CTNNA2: variants seen among roughly 807,000 people sequenced by gnomAD.
The protein encoded by CTNNA2 is catenin alpha 2, also known as catenin alpha-2.
In CTNNA2, 42 loss-of-function variants were observed where a neutral mutation model predicts 101.0. That is an observed-to-expected ratio of 0.42 (90% confidence interval 0.32 to 0.54). The LOEUF is 0.54. Among genes scored for constraint, CTNNA2 ranks in the 20% least tolerant of loss-of-function variants. The pLI, the probability that CTNNA2 is intolerant of heterozygous loss-of-function variation, is 0.14. For missense variants in CTNNA2, 871 were observed against 1,223.1 expected (o/e 0.71, Z 4.29); for synonymous variants, 450 against 456.4 (o/e 0.99, Z 0.18).
chr2:79,867,177 C>T (rs954521821), intron 4 of CTNNA2, among the ~76,000 whole-genome samples: 63 of 152,174 alleles, frequency 4.1e-4, no homozygotes, highest in African/African-American at 1.4e-3. Flanking sequence ...AGTCACTTTC[C>T]TTTCTCTAGC....
chr2:80,314,706 T>A (rs1385003782), intron 7 of CTNNA2, among the ~76,000 whole-genome samples: 1 of 152,204 alleles, frequency 6.6e-6, no homozygotes, highest in African/African-American at 2.4e-5. Context: ...TCTATGTCAA[T>A]GTCTAGCTGG....
At chr2:80,079,837 TAAAATAAAATA>T (rs1699013011) in intron 7 of CTNNA2, among the ~76,000 whole-genome samples, 1 of 75,666 alleles carries the variant, frequency 1.3e-5, no homozygotes, top group Non-Finnish European at 2.3e-5. Context: ...ATAAATAAAA[TAAAATAAAATA>T]AAATAAAATA....
intron 2 of CTNNA2, among the ~76,000 whole-genome samples, chr2:79,665,812 G>A (rs1236891678): frequency 6.6e-6 from 1 of 152,072 alleles, no homozygotes; most frequent in African/African-American, 2.4e-5. Context: ...TTTATTTTTA[G>A]AATCTCCTGG....
chr2:80,524,970 A>G (rs988361856), intron 9 of CTNNA2, among the ~76,000 whole-genome samples: 2 of 152,080 alleles, frequency 1.3e-5, no homozygotes, highest in Non-Finnish European at 2.9e-5. Context: ...TTTGGGGAAC[A>G]GGTGGTATTT....
intron 9 of CTNNA2, among the ~76,000 whole-genome samples, chr2:80,524,100 G>A (rs1689817705): frequency 6.6e-6 from 1 of 152,156 alleles, no homozygotes; most frequent in Non-Finnish European, 1.5e-5. Flanking sequence ...GAGATGTCCT[G>A]CAGGGAAATA....
intron 6 of CTNNA2, among the ~76,000 whole-genome samples, chr2:79,888,434 G>T (rs1009709050): frequency 6.6e-6 from 1 of 151,994 alleles, no homozygotes; most frequent in Non-Finnish European, 1.5e-5. Flanking sequence ...CTTTCCTAAG[G>T]TTTTATAAAT....
At chr2:79,233,803 A>G (rs1442800499) in intron 2 of CTNNA2, among the ~76,000 whole-genome samples, 1 of 152,008 alleles carries the variant, frequency 6.6e-6, no homozygotes, top group African/African-American at 2.4e-5. Context: ...CATTATGTAC[A>G]GCCATTGTTT....
At chr2:79,988,095 C>G (rs978445354) in intron 7 of CTNNA2, among the ~76,000 whole-genome samples, 4 of 152,112 alleles carry the variant, frequency 2.6e-5, no homozygotes, top group Non-Finnish European at 5.9e-5. Flanking sequence ...TGTATTACCC[C>G]CAAGAATTGG....
At chr2:79,313,533 C>A (rs1360590410) in intron 3 of CTNNA2, among the ~76,000 whole-genome samples, 1 of 152,080 alleles carries the variant, frequency 6.6e-6, no homozygotes, top group Non-Finnish European at 1.5e-5. Context: ...TAGGAAGTAG[C>A]AGAGCTGGAG....
intron 6 of CTNNA2, among the ~76,000 whole-genome samples, chr2:79,885,771 T>C (rs1258132540): frequency 1.3e-5 from 2 of 152,196 alleles, no homozygotes; most frequent in Non-Finnish European, 2.9e-5. Flanking sequence ...AATAATTATC[T>C]CTGCTATGTG....
At chr2:79,993,309 A>G (rs147580924) in intron 7 of CTNNA2, among the ~76,000 whole-genome samples, 261 of 152,262 alleles carry the variant, frequency 1.7e-3, no homozygotes, top group African/African-American at 6.0e-3. Flanking sequence ...TATGCACTGA[A>G]GTCACTTCAC....
rs2148862534 is a variant in CTNNA2 at position 80,111,986 on chromosome 2, C to A, written c.1056+202189C>A. Among the ~76,000 whole-genome samples, 2 of 152,148 alleles carry A rather than the reference C, an allele frequency of 1.3e-5. 1 individual carries two copies. The highest frequency in any genetic ancestry group is 3.9e-4 in the East Asian group (2 of 5,186). Reference sequence around the variant, plus strand: ...GTACTGTTCTAGGCACTGATGATACCTAGTTGAAAGAGATGCAAATGGTAC... The same window carrying A: ...GTACTGTTCTAGGCACTGATGATACATAGTTGAAAGAGATGCAAATGGTAC... On this transcript the variant is annotated intron_variant, in intron 7 of 18. Transcript: ENST00000402739.
chr2:79,526,421 A>AT (rs1672407847), intron 1 of CTNNA2, among the ~76,000 whole-genome samples: 1 of 151,656 alleles, frequency 6.6e-6, no homozygotes, highest in South Asian at 2.1e-4. Flanking sequence ...TGATTTAGAG[A>AT]TTCAATGCTA....
chr2:79,515,783 T>G (rs1484145821), intron 1 of CTNNA2, among the ~76,000 whole-genome samples: 1 of 152,188 alleles, frequency 6.6e-6, no homozygotes, highest in East Asian at 1.9e-4. Flanking sequence ...GAATTTCATT[T>G]CTAGAGGCTT....
upstream of CTNNA2, among the ~76,000 whole-genome samples, chr2:79,511,165 T>C (rs889275193): frequency 2.0e-5 from 3 of 152,212 alleles, no homozygotes; most frequent in East Asian, 1.9e-4. Flanking sequence ...CTTTACTCTT[T>C]CCAGATTCTT....
intron 4 of CTNNA2, among the ~76,000 whole-genome samples, chr2:79,470,256 T>C (rs451090): frequency 0.32 from 48,106 of 152,036 alleles, 7,746 homozygotes; most frequent in South Asian, 0.44. Context: ...GCATCTCAGC[T>C]ACTCAGGAGG....
chr2:80,208,554 T>C (rs76898475), intron 7 of CTNNA2, among the ~76,000 whole-genome samples: 2,161 of 152,278 alleles, frequency 0.014, 56 homozygotes, highest in African/African-American at 0.049. Flanking sequence ...ACCTGCTGCC[T>C]TTGGGAGGCA....
chr2:80,597,180 A>G (rs1346570971), intron 15 of CTNNA2, among the ~76,000 whole-genome samples: 1 of 152,144 alleles, frequency 6.6e-6, no homozygotes, highest in East Asian at 1.9e-4. Context: ...CTGATCTTTG[A>G]CAAACCAGAC....
chr2:79,622,547 A>T (rs1679062792), intron 1 of CTNNA2, among the ~76,000 whole-genome samples: 1 of 152,238 alleles, frequency 6.6e-6, no homozygotes, highest in South Asian at 2.1e-4. Flanking sequence ...ATAAGAAAAC[A>T]TTATTTTTCA....
Sources: gnomAD v4.1 joint callset for allele counts (sites outside exome capture counted in the v4.1 genomes callset) on GRCh38, gnomAD v4.1.1 for gene constraint, MANE v1.5 for transcripts, NCBI Gene and HGNC (gene_info 2026-07-23, HGNC 2026-07-21) for gene names.